Variants in NOCT observed in about 807,000 individuals in gnomAD.
NOCT encodes the protein nocturnin, also known as CCR4 carbon catabolite repression 4-like.
Under a neutral mutation model 35.0 loss-of-function variants are expected in NOCT, and 18 were observed. That is an observed-to-expected ratio of 0.51 (90% CI 0.36 to 0.76). The LOEUF (loss-of-function observed/expected upper bound fraction) is 0.76. Ranked by LOEUF, NOCT falls within the 30% of genes least tolerant of loss-of-function variation. The pLI is 0.01. For missense variants in NOCT, 479 were observed against 541.0 expected (o/e 0.89, Z 1.14); for synonymous variants, 235 against 226.3 (o/e 1.04, Z -0.34).
At position 139,045,128 on chromosome 4, in the gene NOCT, T is replaced by C; in HGVS notation, c.950T>C (p.Ile317Thr). ...NLQNITQGAK[I>T]PLIVCGDFNA... Reference sequence around the variant, plus strand: ...CAAAACATCACCCAAGGAGCCAAGATTCCCCTTATTGTGTGTGGGGACTTC... The same window carrying C: ...CAAAACATCACCCAAGGAGCCAAGACTCCCCTTATTGTGTGTGGGGACTTC... The change falls in exon 3 of 3, where the codon ATT (isoleucine) becomes ACT (threonine). Residue 317 changes from isoleucine (I) to threonine (T), a missense_variant. Transcript: ENST00000280614. 1 of 1,614,200 alleles carries C rather than the reference T, an allele frequency of 6.2e-7. No homozygotes were observed. The highest frequency in any genetic ancestry group is 8.5e-7 in the Non-Finnish European group (1 of 1,180,030).
Position 139,041,130 on chromosome 4 carries a change from T to C in NOCT, c.191-1944T>C, listed in dbSNP as rs74941623. 3.7e-3 allele frequency among the ~76,000 whole-genome samples: 559 copies of C among 152,354 alleles called. 5 individuals carry two copies. The highest frequency in any genetic ancestry group is 0.013 in the African/African-American group (532 of 41,572). On this transcript the variant is annotated intron_variant, in intron 1 of 2. Transcript: ENST00000280614. ...GTTGGGAAAATTAGTATGTGTTCAT[T>C]TGCTGTAGTCTAGCTTTCTTACTGG... is the stretch of plus-strand genomic sequence containing the variant.
chr4:139,042,741 C>T (rs943440814), intron 1 of NOCT, among the ~76,000 whole-genome samples: 2 of 152,008 alleles, frequency 1.3e-5, no homozygotes, highest in South Asian at 2.1e-4. Context: ...CATGGGGAAA[C>T]CCCATCTCTA....
At chr4:139,029,317 A>G (rs879551185) in intron 1 of NOCT, among the ~76,000 whole-genome samples, 1 of 152,266 alleles carries the variant, frequency 6.6e-6, no homozygotes, top group Non-Finnish European at 1.5e-5. Flanking sequence ...ATAATGAAGA[A>G]GCAGAGAGGT....
At chr4:139,025,790 C>T (rs1409109093) in intron 1 of NOCT, among the ~76,000 whole-genome samples, 3 of 144,126 alleles carry the variant, frequency 2.1e-5, no homozygotes, top group East Asian at 4.0e-4. Context: ...GGCAACAGAG[C>T]GAGACTCCGT....
At chr4:139,042,286 C>T (rs559967946) in intron 1 of NOCT, among the ~76,000 whole-genome samples, 1 of 152,040 alleles carries the variant, frequency 6.6e-6, no homozygotes, top group South Asian at 2.1e-4. Flanking sequence ...CCAGGCTGGT[C>T]TCGAACTCCT....
Position 139,045,641 on chromosome 4 carries a change from A to G in NOCT, c.*167A>G. On this transcript the variant is annotated 3_prime_UTR_variant, in exon 3 of 3. Coordinates refer to ENST00000280614, the MANE Select transcript of NOCT (RefSeq NM_012118.4). ...ATGGCATTCTCCTGCCTCAGCCTCC[A>G]GAGCAACTGGGACAACAGGCGCCCG... 4 of 500,742 alleles carry G rather than the reference A, an allele frequency of 8.0e-6. No homozygotes were observed. Among genetic ancestry groups the G allele is most frequent in the Non-Finnish European group, 1.4e-5 (4 of 289,936 alleles). 31.0% of individuals were successfully genotyped at this position (500,742 alleles called of 1,614,324 possible). A position where few individuals can be genotyped will look rare whatever the true frequency, so the allele number is the denominator to read the frequency against.
At chr4:139,032,982 T>A (rs2073895230) in intron 1 of NOCT, among the ~76,000 whole-genome samples, 1 of 152,132 alleles carries the variant, frequency 6.6e-6, no homozygotes, top group Admixed American at 6.6e-5. Context: ...GGGGAATTGC[T>A]TGACCCTGGG....
chr4:139,020,838 C>T (rs547781665), intron 1 of NOCT, among the ~76,000 whole-genome samples: 3 of 151,224 alleles, frequency 2.0e-5, no homozygotes, highest in South Asian at 2.1e-4. Context: ...GGCCGAGGTG[C>T]GGATCACTTG....
intron 1 of NOCT, among the ~76,000 whole-genome samples, chr4:139,023,188 A>G (rs1201299491): frequency 2.6e-5 from 4 of 151,572 alleles, no homozygotes; most frequent in Non-Finnish European, 4.4e-5. Flanking sequence ...GTCTTGATGC[A>G]TCCTTTCTAG....
At chr4:139,035,437 C>T (rs1560732785) in intron 1 of NOCT, among the ~76,000 whole-genome samples, 1 of 152,272 alleles carries the variant, frequency 6.6e-6, no homozygotes, top group East Asian at 1.9e-4. Flanking sequence ...CACCCAGCCT[C>T]AAGGCTCCTT....
chr4:139,021,494 T>C (rs1032056423), intron 1 of NOCT, among the ~76,000 whole-genome samples: 2 of 151,894 alleles, frequency 1.3e-5, no homozygotes, highest in Non-Finnish European at 2.9e-5. Context: ...GGCACGCACC[T>C]GTAATCCCAG....
chr4:139,018,156 C>T (rs1034262557), intron 1 of NOCT, among the ~76,000 whole-genome samples: 1 of 147,364 alleles, frequency 6.8e-6, no homozygotes. Context: ...AGTATATTGC[C>T]TGATAACTTT....
Position 139,043,251 on chromosome 4 carries a change from C to G in NOCT, c.368C>G (p.Pro123Arg). The G allele has an allele frequency of 1.2e-6, 2 of 1,614,190 alleles. No individual in the cohort carries two copies. Among genetic ancestry groups the G allele is most frequent in the Non-Finnish European group, 1.7e-6 (2 of 1,180,030 alleles). Reference sequence around the variant, plus strand: ...AGGGCCGTCCTGCACACCCGACCTCCCCGGTTCCAGAGGGATTTTGTGGAT... The same window carrying G: ...AGGGCCGTCCTGCACACCCGACCTCGCCGGTTCCAGAGGGATTTTGTGGAT... Reference protein sequence around the residue: ...ECRAVLHTRPPRFQRDFVDLR... With the variant: ...ECRAVLHTRPRRFQRDFVDLR... The change falls in exon 2 of 3, where the codon CCC becomes CGC. Residue 123 changes from proline to arginine, a missense_variant. Physicochemically the swap from Pro to Arg is moderately radical, Grantham distance 103 (BLOSUM62 -2). Transcript: ENST00000280614.
chr4:139,043,520 CTTTTT>C (rs200273114), intron 2 of NOCT, 177 bp downstream of exon 2: 3 of 460,984 alleles, frequency 6.5e-6, no homozygotes, highest in Admixed American at 3.7e-5. Context: ...CTGGTTTTCA[CTTTTT>C]TTTTTTTTTT....
At chr4:139,042,421 C>A (rs1175817979) in intron 1 of NOCT, among the ~76,000 whole-genome samples, 1 of 152,010 alleles carries the variant, frequency 6.6e-6, no homozygotes. Context: ...TTTTGTTAAG[C>A]CTTGCTCTTT....
rs1482550863 is a variant in NOCT at position 139,015,978 on chromosome 4, C to T, written c.-4C>T. Reference sequence around the variant, plus strand: ...GAGGGGCCGTGGTGGCGGCGGCGCCCGGCATGTTTCATAGTCCGCGGCGGC... The same window carrying T: ...GAGGGGCCGTGGTGGCGGCGGCGCCTGGCATGTTTCATAGTCCGCGGCGGC... On this transcript the variant is annotated 5_prime_UTR_variant, in exon 1 of 3. Coordinates refer to ENST00000280614, the MANE Select transcript of NOCT (RefSeq NM_012118.4). 17 of 1,355,188 alleles carry T rather than the reference C, an allele frequency of 1.3e-5. No individual in the cohort carries two copies. The highest frequency in any genetic ancestry group is 2.7e-4 in the Middle Eastern group (1 of 3,670). 83.9% of individuals were successfully genotyped at this position (1,355,188 alleles called of 1,614,324 possible).
At chr4:139,034,350 G>T (rs766864301) in intron 1 of NOCT, among the ~76,000 whole-genome samples, 1 of 152,118 alleles carries the variant, frequency 6.6e-6, no homozygotes, top group Non-Finnish European at 1.5e-5. Flanking sequence ...AACTTTGGGG[G>T]ACATGCATTC....
At position 139,015,927 on chromosome 4, in the gene NOCT, A is replaced by C. The variant is rs1726283797; in HGVS notation, c.-55A>C. ...GGCTCGACTCGGTGCCCTCGGCCCCAGCCGGGCTCCGCTCCTCGGGCGCGC... is the reference window on the plus strand; with the variant it reads ...GGCTCGACTCGGTGCCCTCGGCCCCCGCCGGGCTCCGCTCCTCGGGCGCGC... On this transcript the variant is annotated 5_prime_UTR_variant, in exon 1 of 3. Transcript: ENST00000280614. 1 of 1,275,186 alleles carries C rather than the reference A, an allele frequency of 7.8e-7. No homozygotes were observed. The highest frequency in any genetic ancestry group is 9.9e-7 in the Non-Finnish European group (1 of 1,006,418). The allele number at this position is 1,275,186 out of a possible 1,614,324, so 79.0% of individuals were successfully genotyped here. A position where few individuals can be genotyped will look rare whatever the true frequency, so the allele number is the denominator to read the frequency against.
chr4:139,016,269 C>G (rs1032996978), intron 1 of NOCT, 98 bp downstream of exon 1: 4 of 798,160 alleles, frequency 5.0e-6, no homozygotes, highest in Non-Finnish European at 6.6e-6. Context: ...CCGGGGCTGC[C>G]GGTCGTGGAG....
Sources: gnomAD v4.1 joint callset for allele counts (sites outside exome capture counted in the v4.1 genomes callset) on GRCh38, gnomAD v4.1.1 for gene constraint, MANE v1.5 for transcripts, NCBI Gene and HGNC (gene_info 2026-07-23, HGNC 2026-07-21) for gene names.